MAGI2: variants seen among roughly 807,000 people sequenced by gnomAD.
The protein encoded by MAGI2 is membrane-associated guanylate kinase, WW and PDZ domain-containing protein 2.
Under a neutral mutation model 133.3 loss-of-function variants are expected in MAGI2, and 35 were observed. The ratio of observed to expected loss-of-function variants is 0.26; its 90% CI spans 0.20 to 0.35. The LOEUF (loss-of-function observed/expected upper bound fraction) is 0.35. MAGI2 is among the 10% of genes least tolerant of loss of function. The pLI, the probability that MAGI2 is intolerant of heterozygous loss-of-function variation, is 1.00. For missense variants in MAGI2, 1,636 were observed against 1,863.4 expected, an observed-to-expected ratio of 0.88 and a Z score of 2.25; for synonymous variants, 729 against 710.6, an observed-to-expected ratio of 1.03 and a Z score of -0.41.
Position 78,286,459 on chromosome 7 carries a change from T to TCATAGAAG in MAGI2, c.1409-29886_1409-29879dup, listed in dbSNP as rs1432679153. 5.3e-5 allele frequency among the ~76,000 whole-genome samples: 8 copies of TCATAGAAG among 152,200 alleles called. 1 individual carries two copies. In the East Asian group the frequency reaches 1.5e-3, roughly 29 times the overall value. ...CTATTTAGGGGATTCAATGAAGGCG[T>TCATAGAAG]CATAGAAGAATTGATACGTGACCTT... is the stretch of plus-strand genomic sequence containing the variant. On this transcript the variant is annotated intron_variant, in intron 9 of 21. Coordinates refer to ENST00000354212, the MANE Select transcript of MAGI2 (RefSeq NM_012301.4).
At position 78,125,802 on chromosome 7, in the gene MAGI2, T is replaced by C; in HGVS notation, c.3459A>G (p.Gly1153=). 1.9e-6 allele frequency: 3 copies of C among 1,614,192 alleles called. No individual in the cohort carries two copies. The highest frequency in any genetic ancestry group is 2.2e-5 in the South Asian group (2 of 91,076). ...GAATGCTGAATCCAAATCCTTTGGC[T>C]CCTTTCTCCATGTCCACAGTGAAAT... is the stretch of plus-strand genomic sequence containing the variant. ...FDYFTVDMEK[G]AKGFGFSIRG... is the part of the protein sequence containing the mutation. Residue 1153 remains glycine (G), a synonymous_variant, in exon 20 of 22, where the codon GGA becomes GGG. Transcript: ENST00000354212.
At chr7:78,889,532 A>G (rs1157581305) in intron 2 of MAGI2, among the ~76,000 whole-genome samples, 3 of 152,260 alleles carry the variant, frequency 2.0e-5, no homozygotes, top group African/African-American at 4.8e-5. Context: ...TGGATCTCTC[A>G]GCAGAAACTC....
Position 78,820,237 on chromosome 7 carries a change from A to G in MAGI2, c.418+186853T>C, listed in dbSNP as rs1050056241. On this transcript the variant is annotated intron_variant, in intron 2 of 21. Transcript: ENST00000354212. The stretch of plus-strand genomic sequence containing the variant: ...TCATTGGGTATAATGGAGCTTTAAA[A>G]TAGGAGATTCATTCAAGGAACTGAA... 5.9e-5 allele frequency among the ~76,000 whole-genome samples: 9 copies of G among 152,038 alleles called. No homozygotes were observed. In the East Asian group the frequency reaches 1.7e-3, roughly 29 times the overall value.
In MAGI2 at chr7:78,068,676, T is replaced by C. The variant is rs531569029; in HGVS notation, c.3706+10271A>G. Among the ~76,000 whole-genome samples the C allele has an allele frequency of 2.0e-5, 3 of 152,280 alleles. No individual in the cohort carries two copies. The South Asian group carries it at 6.2e-4, about 32-fold the overall frequency. On this transcript the variant is annotated intron_variant, in intron 21 of 21. Coordinates refer to ENST00000354212, the MANE Select transcript of MAGI2 (RefSeq NM_012301.4). ...TGGAAATGAGGGGTTTAGAGTACTT[T>C]GGTTAAAAAATTAAAGCTTGAGTTA...
At chr7:78,080,725 C>G (rs1301821653) in intron 20 of MAGI2, among the ~76,000 whole-genome samples, 1 of 152,192 alleles carries the variant, frequency 6.6e-6, no homozygotes, top group Non-Finnish European at 1.5e-5. Flanking sequence ...TCTAACTCAA[C>G]AGCAGTAGAA....
intron 10 of MAGI2, among the ~76,000 whole-genome samples, chr7:78,231,778 G>T (rs1385138030): frequency 1.3e-5 from 2 of 152,164 alleles, no homozygotes; most frequent in Non-Finnish European, 2.9e-5. Flanking sequence ...AGGGACTTTA[G>T]GCTGAAGAAA....
intron 2 of MAGI2, among the ~76,000 whole-genome samples, chr7:78,923,451 A>G (rs1242920763): frequency 6.6e-6 from 1 of 152,160 alleles, no homozygotes; most frequent in African/African-American, 2.4e-5. Flanking sequence ...TAAATAGGGA[A>G]TCCTTTCCCC....
At chr7:78,282,670 A>C (rs1795740676) in intron 9 of MAGI2, among the ~76,000 whole-genome samples, 1 of 152,124 alleles carries the variant, frequency 6.6e-6, no homozygotes, top group African/African-American at 2.4e-5. Flanking sequence ...GTAATAAATA[A>C]ATTCATTTTA....
intron 1 of MAGI2, among the ~76,000 whole-genome samples, chr7:79,019,300 G>A (rs1554334116): frequency 6.6e-6 from 1 of 152,034 alleles, no homozygotes; most frequent in Non-Finnish European, 1.5e-5. Flanking sequence ...ATTTAATCAT[G>A]GGGGCAGTTT....
chr7:78,116,143 A>C (rs1819847116), intron 20 of MAGI2, among the ~76,000 whole-genome samples: 1 of 152,212 alleles, frequency 6.6e-6, no homozygotes, highest in Non-Finnish European at 1.5e-5. Context: ...ACAAATTAAG[A>C]GTAGAAAACT....
chr7:79,023,747 A>C (rs893841942), intron 1 of MAGI2, among the ~76,000 whole-genome samples: 21 of 152,192 alleles, frequency 1.4e-4, no homozygotes, highest in African/African-American at 5.1e-4. Context: ...AGCAACAAAA[A>C]GAATAAAATA....
At chr7:78,692,742 T>C (rs996504926) in intron 2 of MAGI2, among the ~76,000 whole-genome samples, 1 of 152,196 alleles carries the variant, frequency 6.6e-6, no homozygotes, top group Non-Finnish European at 1.5e-5. Flanking sequence ...ACGCATGCTC[T>C]AATCATTGAA....
chr7:79,092,317 T>C (rs972531411), intron 1 of MAGI2, among the ~76,000 whole-genome samples: 4 of 152,186 alleles, frequency 2.6e-5, no homozygotes, highest in Admixed American at 6.6e-5. Context: ...CTAAAACATA[T>C]TCATTTTCAG....
At chr7:79,203,881 C>T (rs1352427225) in intron 1 of MAGI2, among the ~76,000 whole-genome samples, 5 of 151,990 alleles carry the variant, frequency 3.3e-5, no homozygotes, top group Non-Finnish European at 2.9e-5. Flanking sequence ...CTCCAGTGGT[C>T]GTCCCCATGC....
chr7:79,340,458 A>G (rs1391345423), intron 1 of MAGI2, among the ~76,000 whole-genome samples: 1 of 152,112 alleles, frequency 6.6e-6, no homozygotes, highest in African/African-American at 2.4e-5. Context: ...GTCTTCCTTC[A>G]TAGTAGTAAA....
At chr7:78,135,294 C>T in intron 16 of MAGI2, 88 bp from the exon 17 acceptor site, 1 of 1,097,530 alleles carries the variant, frequency 9.1e-7, no homozygotes, top group Admixed American at 2.0e-5. Context: ...AATGAAATGT[C>T]AGAATTCCTT....
At chr7:78,806,113 T>A (rs1388018634) in intron 2 of MAGI2, among the ~76,000 whole-genome samples, 1 of 152,336 alleles carries the variant, frequency 6.6e-6, no homozygotes, top group Non-Finnish European at 1.5e-5. Context: ...AAGTCAATAG[T>A]ACACTTTGAC....
At chr7:78,188,017 C>T (rs1371336994) in intron 12 of MAGI2, among the ~76,000 whole-genome samples, 1 of 152,070 alleles carries the variant, frequency 6.6e-6, no homozygotes, top group African/African-American at 2.4e-5. Context: ...CCCTTAATTC[C>T]AGGATCTTTT....
chr7:78,406,523 T>C (rs1485876410), intron 6 of MAGI2, among the ~76,000 whole-genome samples: 1 of 152,054 alleles, frequency 6.6e-6, no homozygotes, highest in Non-Finnish European at 1.5e-5. Context: ...TTCTGCCGGC[T>C]GATATTTAGT....
Sources: allele counts gnomAD v4.1 joint callset (sites outside exome capture counted in the v4.1 genomes callset), GRCh38; gene constraint gnomAD v4.1.1; transcripts MANE v1.5; gene names NCBI Gene and HGNC (gene_info 2026-07-23, HGNC 2026-07-21).